The following SULT1C2 variants were observed in gnomAD, a reference collection of about 807,000 sequenced individuals.
The protein encoded by SULT1C2 is sulfotransferase 1C2.
SULT1C2 carries 27 observed loss-of-function variants against 36.0 expected under a neutral mutation model. That is an observed-to-expected ratio of 0.75 (90% confidence interval 0.55 to 1.03). The LOEUF is 1.03. Ranked by LOEUF, SULT1C2 falls within the 50% of genes least tolerant of loss-of-function variation. The pLI, the probability that SULT1C2 is intolerant of heterozygous loss-of-function variation, is 0.00. For synonymous variants in SULT1C2, 121 were observed against 116.0 expected (o/e 1.04, Z -0.27); for missense variants, 395 against 359.2 (o/e 1.10, Z -0.80).
Position 108,293,661 on chromosome 2 carries a change from A to C in SULT1C2, c.-7A>C, listed in dbSNP as rs747500064. 2 of 1,606,406 alleles carry C rather than the reference A, an allele frequency of 1.2e-6. No homozygotes were observed. Among genetic ancestry groups the C allele is most frequent in the Non-Finnish European group, 8.5e-7 (1 of 1,176,604 alleles). On this transcript the variant is annotated 5_prime_UTR_variant, in exon 2 of 8. Transcript: ENST00000251481. ...TTTTCCCATAGGGACCCCAACCCTG[A>C]GACACTATGGCCCTGACCTCAGACC...
At chr2:108,307,454 G>A (rs1677053538) in intron 7 of SULT1C2, among the ~76,000 whole-genome samples, 2 of 152,172 alleles carry the variant, frequency 1.3e-5, no homozygotes, top group Non-Finnish European at 2.9e-5. Flanking sequence ...TATACCAAGC[G>A]AAGGATGCAT....
At chr2:108,294,037 G>T (rs1409542407) in intron 2 of SULT1C2, among the ~76,000 whole-genome samples, 192 bp from the exon 3 acceptor site, 1 of 152,172 alleles carries the variant, frequency 6.6e-6, no homozygotes, top group Non-Finnish European at 1.5e-5. Flanking sequence ...CCTTGCCTGT[G>T]CTGCTCCACT....
intron 7 of SULT1C2, 71 bp from the exon 8 acceptor site, chr2:108,308,281 A>C: frequency 1.4e-6 from 2 of 1,420,790 alleles, no homozygotes; most frequent in Non-Finnish European, 1.9e-6. Flanking sequence ...TATGGGCACT[A>C]CACCACTTTA....
At position 108,309,086 on chromosome 2, in the gene SULT1C2, T is replaced by C. The variant is rs1329213145; in HGVS notation, c.*622T>C. The C allele has an allele frequency of 6.6e-6, 1 of 152,272 alleles. No homozygotes were observed. The highest frequency in any genetic ancestry group is 2.4e-5 in the African/African-American group (1 of 41,474). 9.4% of individuals were successfully genotyped at this position (152,272 alleles called of 1,614,324 possible). A position where few individuals can be genotyped will look rare whatever the true frequency, so the allele number is the denominator to read the frequency against. On this transcript the variant is annotated 3_prime_UTR_variant, in exon 8 of 8. Coordinates refer to ENST00000251481, the MANE Select transcript of SULT1C2 (RefSeq NM_001056.4). ...TAGGTCATATAGGAAACAGAAAGCA[T>C]GACAGTGGCCTTTTGGGAACCCAAG... is the stretch of plus-strand genomic sequence containing the variant.
chr2:108,307,324 T>C (rs1677049554), intron 7 of SULT1C2, among the ~76,000 whole-genome samples: 1 of 152,198 alleles, frequency 6.6e-6, no homozygotes, highest in Non-Finnish European at 1.5e-5. Context: ...TAATGAAAGC[T>C]TGCTCCCTAA....
At chr2:108,293,550 T>C (rs1481723134) in intron 1 of SULT1C2, 97 bp from the exon 2 acceptor site, 2 of 1,230,312 alleles carry the variant, frequency 1.6e-6, no homozygotes, top group Non-Finnish European at 2.2e-6. Flanking sequence ...TTAATGCCTC[T>C]GAACTGTACA....
intron 7 of SULT1C2, among the ~76,000 whole-genome samples, chr2:108,307,423 T>C (rs1030060075): frequency 6.6e-6 from 1 of 152,224 alleles, no homozygotes; most frequent in Non-Finnish European, 1.5e-5. Context: ...ATACACCTCA[T>C]TGATTTCTTT....
At chr2:108,304,442 C>A in intron 4 of SULT1C2, 132 bp from the exon 5 acceptor site, 2 of 966,102 alleles carry the variant, frequency 2.1e-6, no homozygotes, top group Non-Finnish European at 3.0e-6. Context: ...GTCACAAGGC[C>A]AAGTCGCAGG....
chr2:108,296,673 G>C (rs928364172), intron 3 of SULT1C2, among the ~76,000 whole-genome samples: 3 of 152,096 alleles, frequency 2.0e-5, no homozygotes, highest in Non-Finnish European at 2.9e-5. Flanking sequence ...GGCTGGTCTC[G>C]AACTCCTGAC....
chr2:108,293,612 C>A, intron 1 of SULT1C2, 35 bp from the exon 2 acceptor site: 1 of 1,540,644 alleles, frequency 6.5e-7, no homozygotes, highest in Non-Finnish European at 8.7e-7. Flanking sequence ...TTTACCACAA[C>A]TTCTTTAAAA....
In SULT1C2 at chr2:108,309,135, G is replaced by C. The variant is rs1677095397; in HGVS notation, c.*671G>C. On this transcript the variant is annotated 3_prime_UTR_variant, in exon 8 of 8. Transcript: ENST00000251481. ...AGTTACGTCCTGGTGAAAGCAGAAA[G>C]GAGGAGACAGGATGGCTGTCAACAA... The C allele has an allele frequency of 1.3e-5, 2 of 152,220 alleles. No homozygotes were observed. Among genetic ancestry groups the C allele is most frequent in the Admixed American group, 1.3e-4 (2 of 15,286 alleles). 9.4% of individuals were successfully genotyped at this position (152,220 alleles called of 1,614,324 possible).
In SULT1C2 at chr2:108,308,627, T is replaced by A; in HGVS notation, c.*163T>A. The A allele has an allele frequency of 3.5e-6, 2 of 568,750 alleles. No individual in the cohort carries two copies. Among genetic ancestry groups the A allele is most frequent in the Non-Finnish European group, 5.9e-6 (2 of 340,436 alleles). The allele number at this position is 568,750 out of a possible 1,614,324, so 35.2% of individuals were successfully genotyped here. A position where few individuals can be genotyped will look rare whatever the true frequency, so the allele number is the denominator to read the frequency against. The stretch of plus-strand genomic sequence containing the variant: ...AACAGTATGTCACCACTTCATTTTT[T>A]AAAAAGGATCACGTCTAATGCCCAT... On this transcript the variant is annotated 3_prime_UTR_variant, in exon 8 of 8. Transcript: ENST00000251481.
intron 3 of SULT1C2, among the ~76,000 whole-genome samples, chr2:108,295,937 G>A (rs766530604): frequency 1.2e-4 from 18 of 152,272 alleles, no homozygotes; most frequent in Admixed American, 2.0e-4. Flanking sequence ...GGGACTACAG[G>A]TGAACACCGC....
intron 4 of SULT1C2, chr2:108,302,775 T>C (rs1676916190): frequency 6.6e-6 from 1 of 152,130 alleles, no homozygotes; most frequent in African/African-American, 2.4e-5. Flanking sequence ...GACACAGAAA[T>C]ATTAAGTAAA....
chr2:108,295,737 T>C (rs1676709063), intron 3 of SULT1C2, among the ~76,000 whole-genome samples: 1 of 152,224 alleles, frequency 6.6e-6, no homozygotes, highest in Non-Finnish European at 1.5e-5. Context: ...TAGCTATCTT[T>C]ACTAACCACT....
chr2:108,294,534 T>A (rs1050090198), intron 3 of SULT1C2, among the ~76,000 whole-genome samples, 180 bp downstream of exon 3: 1 of 138,278 alleles, frequency 7.2e-6, no homozygotes, highest in African/African-American at 2.7e-5. Flanking sequence ...CCTCTCATCC[T>A]CTGTCTACAT....
At position 108,300,818 on chromosome 2, in the gene SULT1C2, C is replaced by T. The variant is rs766784834; in HGVS notation, c.278-20C>T. 1.9e-6 allele frequency: 3 copies of T among 1,614,084 alleles called. No individual in the cohort carries two copies. Among genetic ancestry groups the T allele is most frequent in the Non-Finnish European group, 2.5e-6 (3 of 1,179,990 alleles). ...TAGTGCTTGTACTACGCAGATGTTT[C>T]CTCTTGAGCTATTTTAAAGGTGTGG... is the stretch of plus-strand genomic sequence containing the variant. On this transcript the variant is annotated intron_variant, in intron 3 of 7. Transcript: ENST00000251481.
chr2:108,308,497 C>A lies in SULT1C2; in HGVS notation c.*33C>A. The A allele has an allele frequency of 6.4e-7, 1 of 1,552,802 alleles. No homozygotes were observed. Among genetic ancestry groups the A allele is most frequent in the South Asian group, 1.2e-5 (1 of 83,334 alleles). ...GTAAATAAAATTAAAAGGTGGATGG[C>A]AAGAGTGCAAATACTATCTTCAATC... On this transcript the variant is annotated 3_prime_UTR_variant, in exon 8 of 8. Transcript: ENST00000251481.
Position 108,308,633 on chromosome 2 carries a change from G to T in SULT1C2, c.*169G>T, listed in dbSNP as rs1677081164. On this transcript the variant is annotated 3_prime_UTR_variant, in exon 8 of 8. Transcript: ENST00000251481. Reference sequence around the variant, plus strand: ...ATGTCACCACTTCATTTTTTAAAAAGGATCACGTCTAATGCCCATTTTCCC... The same window carrying T: ...ATGTCACCACTTCATTTTTTAAAAATGATCACGTCTAATGCCCATTTTCCC... 3.6e-6 allele frequency: 2 copies of T among 549,708 alleles called. No homozygotes were observed. The highest frequency in any genetic ancestry group is 3.1e-6 in the Non-Finnish European group (1 of 326,012). The allele number at this position is 549,708 out of a possible 1,614,324, so 34.1% of individuals were successfully genotyped here.
Sources: allele counts gnomAD v4.1 joint callset (sites outside exome capture counted in the v4.1 genomes callset), GRCh38; gene constraint gnomAD v4.1.1; transcripts MANE v1.5; gene names NCBI Gene and HGNC (gene_info 2026-07-23, HGNC 2026-07-21).